The following MYO7B variants were observed in gnomAD, a reference collection of about 807,000 sequenced individuals.
The protein encoded by MYO7B is myosin VIIB.
A neutral mutation model predicts 259.7 loss-of-function variants in MYO7B; 212 were observed. The ratio of observed to expected loss-of-function variants is 0.82; its 90% confidence interval spans 0.73 to 0.91. The LOEUF is 0.91. MYO7B is among the 40% of genes least tolerant of loss of function. The probability of loss-of-function intolerance (pLI) is 0.00; values close to 1 mark genes in which losing one functional copy is unlikely to be tolerated. For synonymous variants in MYO7B, 1,197 were observed against 1,166.4 expected (o/e 1.03, Z -0.54); for missense variants, 2,732 against 2,813.5 (o/e 0.97, Z 0.66).
intron 30 of MYO7B, 21 bp downstream of exon 30, chr2:127,624,341 G>A: frequency 6.4e-7 from 1 of 1,552,492 alleles, no homozygotes. Flanking sequence ...TGAGAGCCAG[G>A]TCCACCCTAG....
intron 31 of MYO7B, chr2:127,626,686 G>A (rs1348723799): frequency 7.6e-5 from 23 of 301,826 alleles, no homozygotes; most frequent in Non-Finnish European, 1.4e-4. Flanking sequence ...GGCTGAGGCA[G>A]AAGAATCGCT....
intron 5 of MYO7B, among the ~76,000 whole-genome samples, chr2:127,568,063 G>C (rs1191496545): frequency 6.6e-6 from 1 of 152,226 alleles, no homozygotes; most frequent in Non-Finnish European, 1.5e-5. Context: ...TCATGTTACT[G>C]CTGGAGAGAC....
chr2:127,566,862 T>C (rs1371509814), intron 5 of MYO7B, 35 bp downstream of exon 5: 1 of 1,588,386 alleles, frequency 6.3e-7, no homozygotes, highest in African/African-American at 1.3e-5. Flanking sequence ...CCTCCAGGCA[T>C]CTCCCTGAAC....
chr2:127,578,020 C>T (rs1678943244), intron 8 of MYO7B, 113 bp from the exon 9 acceptor site: 2 of 1,270,078 alleles, frequency 1.6e-6, no homozygotes, highest in Admixed American at 2.3e-5. Flanking sequence ...GAGCGTGGAC[C>T]CTACGTGGTC....
chr2:127,631,451 G>GCAGGAGAGCC, intron 37 of MYO7B, 88 bp downstream of exon 37: 2 of 1,551,662 alleles, frequency 1.3e-6, no homozygotes, highest in Non-Finnish European at 8.7e-7. Context: ...GTGCTCTAGG[G>GCAGGAGAGCC]CAGGAGAGCC....
intron 43 of MYO7B, 87 bp from the exon 44 acceptor site, chr2:127,635,635 A>G (rs1168377211): frequency 7.2e-7 from 1 of 1,394,266 alleles, no homozygotes; most frequent in Non-Finnish European, 9.8e-7. Context: ...GCTAAGCCCC[A>G]GTTCCCCACC....
At chr2:127,571,280 G>A (rs1039811860) in intron 6 of MYO7B, among the ~76,000 whole-genome samples, 3 of 152,114 alleles carry the variant, frequency 2.0e-5, no homozygotes, top group African/African-American at 4.8e-5. Context: ...CTTCTGATAT[G>A]TGTGGAGCAT....
Position 127,630,879 on chromosome 2 carries a change from C to G in MYO7B, c.4908C>G (p.Thr1636=). 2 of 1,601,838 alleles carry G rather than the reference C, an allele frequency of 1.2e-6. No individual in the cohort carries two copies. Among genetic ancestry groups the G allele is most frequent in the Non-Finnish European group, 1.7e-6 (2 of 1,174,312 alleles). Residue 1636 remains threonine (T), a synonymous_variant, in exon 36 of 48, where the codon ACC becomes ACG. Transcript: ENST00000409816. The part of the protein sequence containing the change: ...PEEPPKEKLH[T]LEEFSYEFFR... The stretch of plus-strand genomic sequence containing the variant: ...AGCCACCCAAGGAAAAGCTGCACAC[C>G]CTGGAGGAGTTCTCCTATGAGTTCT...
intron 43 of MYO7B, 175 bp from the exon 44 acceptor site, chr2:127,635,545 CAG>C (rs1194000938): frequency 1.5e-5 from 11 of 730,700 alleles, no homozygotes; most frequent in Non-Finnish European, 2.4e-5. Context: ...ACGCAGATGT[CAG>C]GGGGCCCTGC....
At position 127,597,071 on chromosome 2, in the gene MYO7B, C is replaced by T. The variant is rs996559065; in HGVS notation, c.2339+515C>T. Reference sequence around the variant, plus strand: ...TGAGAAAGTAGAAGACAGCCAGCCCCGGGAATAGAGAATGAGGGGACAGAG... The same window carrying T: ...TGAGAAAGTAGAAGACAGCCAGCCCTGGGAATAGAGAATGAGGGGACAGAG... On this transcript the variant is annotated intron_variant, in intron 19 of 47. Coordinates refer to ENST00000409816, the MANE Select transcript of MYO7B (RefSeq NM_001393586.1). The surrounding 1 kb of genome is among the most constrained non-coding windows in gnomAD (Gnocchi z 4.8). 4.6e-5 allele frequency among the ~76,000 whole-genome samples: 7 copies of T among 152,188 alleles called. No individual in the cohort carries two copies. Among genetic ancestry groups the T allele is most frequent in the Non-Finnish European group, 5.9e-5 (4 of 68,026 alleles).
chr2:127,628,858 C>T lies in MYO7B; in HGVS notation c.4624+323C>T, dbSNP rs944572537. Among the ~76,000 whole-genome samples the T allele has an allele frequency of 1.3e-5, 2 of 152,202 alleles. No individual in the cohort carries two copies. Among genetic ancestry groups the T allele is most frequent in the African/African-American group, 4.8e-5 (2 of 41,446 alleles). ...GAAGTTTTGAACACCATCCCCACAGCGCACTGCTGCAAAAGCACCCCATTA... is the reference window on the plus strand; with the variant it reads ...GAAGTTTTGAACACCATCCCCACAGTGCACTGCTGCAAAAGCACCCCATTA... On this transcript the variant is annotated intron_variant, in intron 34 of 47. Coordinates refer to ENST00000409816, the MANE Select transcript of MYO7B (RefSeq NM_001393586.1). The surrounding 1 kb of genome is among the most constrained non-coding windows in gnomAD (Gnocchi z 4.8).
chr2:127,607,760 A>G lies in MYO7B; in HGVS notation c.2643+336A>G, dbSNP rs1680214078. Among the ~76,000 whole-genome samples, 2 of 152,298 alleles carry G rather than the reference A, an allele frequency of 1.3e-5. No homozygotes were observed. Among genetic ancestry groups the G allele is most frequent in the Admixed American group, 1.3e-4 (2 of 15,304 alleles). ...CACCCAGGAGCACGCAGGGTATAGC[A>G]TGGGAGAGGCAGCAGGTCAATGGGA... On this transcript the variant is annotated intron_variant, in intron 21 of 47. Coordinates refer to ENST00000409816, the MANE Select transcript of MYO7B (RefSeq NM_001393586.1). The surrounding 1 kb of genome is among the most constrained non-coding windows in gnomAD (Gnocchi z 4.4).
At position 127,586,950 on chromosome 2, in the gene MYO7B, A is replaced by C. The variant is rs1679328462; in HGVS notation, c.1691-1442A>C. Among the ~76,000 whole-genome samples the C allele has an allele frequency of 6.6e-6, 1 of 151,956 alleles. No homozygotes were observed. Among genetic ancestry groups the C allele is most frequent in the Admixed American group, 6.6e-5 (1 of 15,262 alleles). The stretch of plus-strand genomic sequence containing the variant: ...ACCGAGTGTCCACCCCCTGCCCAGC[A>C]CCCAGTGCAGCCCCCCTGGTGCTGC... On this transcript the variant is annotated intron_variant, in intron 14 of 47. Coordinates refer to ENST00000409816, the MANE Select transcript of MYO7B (RefSeq NM_001393586.1). The surrounding 1 kb of genome is among the most constrained non-coding windows in gnomAD (Gnocchi z 4.8).
intron 5 of MYO7B, 75 bp from the exon 6 acceptor site, chr2:127,569,714 T>A: frequency 6.6e-7 from 1 of 1,523,236 alleles, no homozygotes; most frequent in South Asian, 1.3e-5. Context: ...AGGACTGGGG[T>A]TTGCAGGAGA....
rs889638520 is a variant in MYO7B at position 127,586,289 on chromosome 2, C to G, written c.1690+1376C>G. On this transcript the variant is annotated intron_variant, in intron 14 of 47. Coordinates refer to ENST00000409816, the MANE Select transcript of MYO7B (RefSeq NM_001393586.1). The surrounding 1 kb of genome is among the most constrained non-coding windows in gnomAD (Gnocchi z 4.8). The stretch of plus-strand genomic sequence containing the variant: ...AAGAAGTGAAGGCCTGGGGTGGTCA[C>G]CCTATGGGTGTGCCAAGAAAAACGA... 6.6e-6 allele frequency among the ~76,000 whole-genome samples: 1 copy of G among 152,106 alleles called. No individual in the cohort carries two copies. Among genetic ancestry groups the G allele is most frequent in the African/African-American group, 2.4e-5 (1 of 41,408 alleles).
At chr2:127,623,966 A>G (rs1428489836) in intron 29 of MYO7B, 127 bp from the exon 30 acceptor site, 2 of 825,088 alleles carry the variant, frequency 2.4e-6, no homozygotes, top group Non-Finnish European at 1.9e-6. Context: ...AGCAGTGTCC[A>G]CTCAGCCCAC....
At chr2:127,565,150 T>G in intron 3 of MYO7B, 83 bp from the exon 4 acceptor site, 1 of 1,523,558 alleles carries the variant, frequency 6.6e-7, no homozygotes, top group Middle Eastern at 2.2e-4. Flanking sequence ...ACCTTGCTGC[T>G]GAGAACTTGG....
rs903286610 is a variant in MYO7B at position 127,629,697 on chromosome 2, G to A, written c.4677G>A (p.Lys1559=). The part of the protein sequence containing the change: ...FKKGDLLVLT[K]KQGLLASENW... ...AGGGGGACCTGTTGGTCCTCACAAA[G>A]AAGCAGGGGCTGCTGGCCTCTGAGA... Residue 1559 remains lysine (K), a synonymous_variant, in exon 35 of 48, where the codon AAG becomes AAA. Transcript: ENST00000409816. The A allele has an allele frequency of 6.2e-7, 1 of 1,612,334 alleles. No homozygotes were observed. The highest frequency in any genetic ancestry group is 8.5e-7 in the Non-Finnish European group (1 of 1,179,482).
chr2:127,620,152 C>G lies in MYO7B; in HGVS notation c.3399-188C>G, dbSNP rs1033559694. On this transcript the variant is annotated intron_variant, in intron 26 of 47. Transcript: ENST00000409816. ...AGAGCACAGGCCATGGGAGAGGAAT[C>G]GAGTAGGGATGCAGAGCCTGGTGGC... 7 of 558,092 alleles carry G rather than the reference C, an allele frequency of 1.3e-5. No homozygotes were observed. In the African/African-American group the frequency reaches 1.3e-4, roughly 10 times the overall value. 34.6% of individuals were successfully genotyped at this position (558,092 alleles called of 1,614,324 possible).
Sources: gnomAD v4.1 joint callset for allele counts (sites outside exome capture counted in the v4.1 genomes callset) on GRCh38, gnomAD v4.1.1 for gene constraint, Gnocchi (gnomAD v3.1) non-coding constraint, MANE v1.5 for transcripts, NCBI Gene and HGNC (gene_info 2026-07-23, HGNC 2026-07-21) for gene names.